GALNTL6: variants seen among roughly 807,000 people sequenced by gnomAD.
GALNTL6 encodes the protein polypeptide N-acetylgalactosaminyltransferase-like 6.
GALNTL6 carries 46 observed loss-of-function variants against 73.7 expected under a neutral mutation model. That is an observed-to-expected ratio of 0.62 (90% CI 0.49 to 0.80). The LOEUF (loss-of-function observed/expected upper bound fraction) is 0.80, where lower values mean the gene tolerates loss of function less well. GALNTL6 is among the 30% of genes least tolerant of loss of function. The pLI is 0.00. For missense variants in GALNTL6, 604 were observed against 755.0 expected (o/e 0.80, Z 2.34); for synonymous variants, 259 against 263.7 (o/e 0.98, Z 0.17).
chr4:172,950,659 C>T (rs192112586), intron 9 of GALNTL6, among the ~76,000 whole-genome samples: 1 of 152,270 alleles, frequency 6.6e-6, no homozygotes, highest in Non-Finnish European at 1.5e-5. Context: ...ATCCAGCAGA[C>T]CTCTGGGCAT....
intron 5 of GALNTL6, among the ~76,000 whole-genome samples, chr4:172,452,545 T>C (rs907740336): frequency 1.3e-5 from 2 of 152,212 alleles, no homozygotes; most frequent in Non-Finnish European, 2.9e-5. Context: ...GGAGACTCTT[T>C]GGATGAATAT....
chr4:172,863,876 C>T (rs1744522550), intron 7 of GALNTL6, among the ~76,000 whole-genome samples: 1 of 152,166 alleles, frequency 6.6e-6, no homozygotes, highest in African/African-American at 2.4e-5. Flanking sequence ...TGAATTGTAG[C>T]TCCCATAATT....
At chr4:172,214,888 A>C (rs146920897) in intron 2 of GALNTL6, among the ~76,000 whole-genome samples, 65 of 152,122 alleles carry the variant, frequency 4.3e-4, no homozygotes, top group Middle Eastern at 3.4e-3. Context: ...TGAAACTTAG[A>C]TTATTGGCTT....
chr4:172,897,266 G>A (rs1375819434), intron 8 of GALNTL6, among the ~76,000 whole-genome samples: 1 of 152,100 alleles, frequency 6.6e-6, no homozygotes, highest in Non-Finnish European at 1.5e-5. Context: ...TGCAACAGGA[G>A]GGTTTAGAGC....
intron 2 of GALNTL6, among the ~76,000 whole-genome samples, chr4:172,168,717 G>A (rs1734715070): frequency 6.6e-6 from 1 of 152,026 alleles, no homozygotes; most frequent in South Asian, 2.1e-4. Flanking sequence ...TAATGGTGAT[G>A]GTGACGGTCA....
chr4:172,152,306 T>C (rs80153058), intron 2 of GALNTL6, among the ~76,000 whole-genome samples: 1 of 152,286 alleles, frequency 6.6e-6, no homozygotes, highest in African/African-American at 2.4e-5. Flanking sequence ...TAATTGAAGA[T>C]CATAACTGAA....
intron 5 of GALNTL6, among the ~76,000 whole-genome samples, chr4:172,605,315 A>G (rs542399438): frequency 9.1e-4 from 139 of 152,280 alleles, no homozygotes; most frequent in Middle Eastern, 6.8e-3. Flanking sequence ...ATCAATACCC[A>G]AAAATCTTTA....
intron 2 of GALNTL6, among the ~76,000 whole-genome samples, chr4:171,846,396 A>G (rs950792834): frequency 2.0e-5 from 3 of 152,180 alleles, no homozygotes; most frequent in African/African-American, 4.8e-5. Flanking sequence ...TGGCCATACC[A>G]TGGCCTTACC....
chr4:172,838,154 G>T (rs149337758), intron 7 of GALNTL6, among the ~76,000 whole-genome samples: 211 of 151,772 alleles, frequency 1.4e-3, no homozygotes, highest in African/African-American at 5.0e-3. Flanking sequence ...GAGATGGGGG[G>T]GCACAGATCT....
intron 2 of GALNTL6, among the ~76,000 whole-genome samples, chr4:172,053,887 T>C (rs1218638358): frequency 6.6e-6 from 1 of 151,992 alleles, no homozygotes; most frequent in Non-Finnish European, 1.5e-5. Flanking sequence ...TTATAACAAA[T>C]AAATAATATA....
At chr4:172,057,722 AAAAAAAT>A (rs1198761285) in intron 2 of GALNTL6, among the ~76,000 whole-genome samples, 3 of 78,492 alleles carry the variant, frequency 3.8e-5, no homozygotes, top group African/African-American at 1.5e-4. Flanking sequence ...AAAAAAAAAA[AAAAAAAT>A]ATATATATAT....
intron 4 of GALNTL6, among the ~76,000 whole-genome samples, chr4:172,325,781 A>G (rs1740920376): frequency 6.6e-6 from 1 of 151,920 alleles, no homozygotes; most frequent in African/African-American, 2.4e-5. Context: ...TAAAATCACA[A>G]TGGATTCATA....
At chr4:172,346,163 C>G (rs979532522) in intron 4 of GALNTL6, among the ~76,000 whole-genome samples, 5 of 152,118 alleles carry the variant, frequency 3.3e-5, no homozygotes, top group Non-Finnish European at 7.4e-5. Context: ...GAGCCTGTTC[C>G]TCCAGCAAAA....
At chr4:172,308,307 A>T (rs1740228296) in intron 3 of GALNTL6, among the ~76,000 whole-genome samples, 1 of 151,760 alleles carries the variant, frequency 6.6e-6, no homozygotes, top group South Asian at 2.1e-4. Flanking sequence ...ACCAACTTGG[A>T]TGCCCCTTAT....
intron 7 of GALNTL6, among the ~76,000 whole-genome samples, chr4:172,846,692 G>A (rs1743527333): frequency 6.6e-6 from 1 of 152,132 alleles, no homozygotes; most frequent in Non-Finnish European, 1.5e-5. Flanking sequence ...TGTGAAGAAT[G>A]AGTTAAAATC....
chr4:172,972,991 G>T (rs890422629), intron 10 of GALNTL6, among the ~76,000 whole-genome samples: 2 of 152,204 alleles, frequency 1.3e-5, no homozygotes, highest in African/African-American at 4.8e-5. Flanking sequence ...ACAAGCATTT[G>T]TCTGGCTTTT....
At chr4:172,310,637 G>A (rs772385904) in intron 3 of GALNTL6, among the ~76,000 whole-genome samples, 1 of 151,760 alleles carries the variant, frequency 6.6e-6, no homozygotes, top group Non-Finnish European at 1.5e-5. Context: ...TATATTTATC[G>A]CACTTCTCAC....
intron 5 of GALNTL6, among the ~76,000 whole-genome samples, chr4:172,648,229 G>A (rs746890807): frequency 2.6e-5 from 4 of 152,068 alleles, no homozygotes; most frequent in East Asian, 1.9e-4. Flanking sequence ...ACTGACTGAC[G>A]TTTGGAAGCC....
chr4:172,502,768 A>G (rs1429568399), intron 5 of GALNTL6, among the ~76,000 whole-genome samples: 1 of 152,198 alleles, frequency 6.6e-6, no homozygotes, highest in Non-Finnish European at 1.5e-5. Flanking sequence ...GGGGTAGATT[A>G]AACGTTAGCA....
Sources: allele counts gnomAD v4.1 joint callset (sites outside exome capture counted in the v4.1 genomes callset), GRCh38; gene constraint gnomAD v4.1.1; transcripts MANE v1.5; gene names NCBI Gene and HGNC (gene_info 2026-07-23, HGNC 2026-07-21).